PTPRE: variants seen among roughly 807,000 people sequenced by gnomAD.
PTPRE encodes receptor-type tyrosine-protein phosphatase epsilon.
A neutral mutation model predicts 102.0 loss-of-function variants in PTPRE; 51 were observed. The observed-to-expected ratio is 0.50, with a 90% CI of 0.40 to 0.63. The LOEUF is 0.63. Among genes scored for constraint, PTPRE ranks in the 30% least tolerant of loss-of-function variants. PTPRE has a pLI of 0.00. For synonymous variants in PTPRE, 345 were observed against 348.2 expected, an observed-to-expected ratio of 0.99 and a Z score of 0.10; for missense variants, 752 against 915.1, an observed-to-expected ratio of 0.82 and a Z score of 2.30.
intron 1 of PTPRE, among the ~76,000 whole-genome samples, chr10:127,972,962 G>C (rs572298642): frequency 6.6e-6 from 1 of 152,338 alleles, no homozygotes; most frequent in East Asian, 1.9e-4. Flanking sequence ...ATGATTCCTT[G>C]AGTTGTAAAG....
At chr10:127,945,088 T>C (rs754163095) in intron 1 of PTPRE, among the ~76,000 whole-genome samples, 6 of 152,152 alleles carry the variant, frequency 3.9e-5, no homozygotes, top group Non-Finnish European at 5.9e-5. Context: ...ATCTCCTTCA[T>C]TGGACCTCAG....
intron 1 of PTPRE, among the ~76,000 whole-genome samples, chr10:127,920,134 C>T (rs2135174676): frequency 6.6e-6 from 1 of 152,254 alleles, no homozygotes; most frequent in South Asian, 2.1e-4. Flanking sequence ...AGTTACTCAA[C>T]TGTTTGAATG....
chr10:128,005,658 A>T (rs555998279), intron 2 of PTPRE, among the ~76,000 whole-genome samples: 1 of 152,360 alleles, frequency 6.6e-6, no homozygotes, highest in Admixed American at 6.5e-5. Flanking sequence ...CAGGTGACAG[A>T]TGGGGGATGC....
At chr10:128,009,592 G>A (rs766060985) in intron 2 of PTPRE, among the ~76,000 whole-genome samples, 9 of 152,144 alleles carry the variant, frequency 5.9e-5, no homozygotes, top group Non-Finnish European at 8.8e-5. Flanking sequence ...ACTCTGAGCC[G>A]GAAAGAGCTG....
intron 7 of PTPRE, among the ~76,000 whole-genome samples, chr10:128,056,687 G>A (rs1189846163): frequency 6.6e-6 from 1 of 152,190 alleles, no homozygotes; most frequent in Non-Finnish European, 1.5e-5. Context: ...ATTTGTAGGT[G>A]GGCAGCAGCT....
intron 1 of PTPRE, among the ~76,000 whole-genome samples, chr10:127,947,822 A>G (rs568005443): frequency 6.6e-6 from 1 of 152,328 alleles, no homozygotes; most frequent in Non-Finnish European, 1.5e-5. Context: ...GGACCTGTGT[A>G]ATGGGCAAAG....
intron 7 of PTPRE, among the ~76,000 whole-genome samples, chr10:128,057,046 T>C (rs1159782041): frequency 6.6e-6 from 1 of 151,762 alleles, no homozygotes; most frequent in Non-Finnish European, 1.5e-5. Flanking sequence ...TGAAACCCCG[T>C]CTCTACTAAA....
chr10:127,979,883 T>C (rs1175229280), intron 1 of PTPRE, among the ~76,000 whole-genome samples: 5 of 152,224 alleles, frequency 3.3e-5, no homozygotes, highest in Non-Finnish European at 7.3e-5. Context: ...GGTTTTATTT[T>C]ACATTAAAAT....
intron 1 of PTPRE, among the ~76,000 whole-genome samples, chr10:127,972,878 ATGTCTCCACATCACACAGAGGCCTGGGAC>A (rs1161977002): frequency 6.6e-6 from 1 of 152,298 alleles, no homozygotes; most frequent in East Asian, 1.9e-4. Flanking sequence ...CCGGCCTTTA[ATGTCTCCACATCACACAGAGGCCTGGGAC>A]TGTCCAGCTG....
rs570850384 is a variant in PTPRE, at chr10:127,961,104, C to T, written c.-30-21170C>T. The stretch of plus-strand genomic sequence containing the variant: ...TGTGCATTCAGACGATGCCAAGGAA[C>T]GGGCTTCTCTGGGCAGAGCCGGGGC... On this transcript the variant is annotated intron_variant, in intron 1 of 20. Transcript: ENST00000254667. 2.6e-5 allele frequency among the ~76,000 whole-genome samples: 4 copies of T among 152,068 alleles called. No individual in the cohort carries two copies. In the East Asian group the frequency reaches 5.8e-4, roughly 22 times the overall value.
At chr10:127,968,009 G>GAT (rs1554903010) in intron 1 of PTPRE, among the ~76,000 whole-genome samples, 3 of 143,134 alleles carry the variant, frequency 2.1e-5, no homozygotes, top group Non-Finnish European at 4.6e-5. Flanking sequence ...TTGCTCTATA[G>GAT]GTGTGTGTGT....
intron 2 of PTPRE, among the ~76,000 whole-genome samples, chr10:128,018,190 G>A (rs1367039840): frequency 2.0e-5 from 3 of 151,860 alleles, no homozygotes; most frequent in Non-Finnish European, 2.9e-5. Flanking sequence ...GCTTTGGGGC[G>A]GGGGGCATGA....
At chr10:127,980,595 G>C (rs556130998) in intron 1 of PTPRE, among the ~76,000 whole-genome samples, 1 of 152,188 alleles carries the variant, frequency 6.6e-6, no homozygotes, top group Admixed American at 6.5e-5. Context: ...CTGGGGAGAG[G>C]TATTAAGTCT....
chr10:128,004,499 A>G (rs1854315746), intron 2 of PTPRE, among the ~76,000 whole-genome samples: 1 of 152,094 alleles, frequency 6.6e-6, no homozygotes, highest in Non-Finnish European at 1.5e-5. Context: ...TTCCATAACC[A>G]TCCAGTATGG....
chr10:128,032,600 T>C (rs60153536), intron 2 of PTPRE, among the ~76,000 whole-genome samples: 127 of 152,300 alleles, frequency 8.3e-4, no homozygotes, highest in African/African-American at 2.9e-3. Flanking sequence ...AAGAGTGGGT[T>C]AGAACCAACT....
chr10:128,030,856 C>T (rs1350391269), intron 2 of PTPRE, among the ~76,000 whole-genome samples: 1 of 152,164 alleles, frequency 6.6e-6, no homozygotes, highest in Non-Finnish European at 1.5e-5. Flanking sequence ...CGGCTGACTC[C>T]CTTTCTCCCC....
At chr10:127,954,405 A>G (rs1217309306) in intron 1 of PTPRE, among the ~76,000 whole-genome samples, 1 of 152,052 alleles carries the variant, frequency 6.6e-6, no homozygotes, top group Non-Finnish European at 1.5e-5. Flanking sequence ...TTTTTTCCTT[A>G]CTGGAATAGA....
intron 6 of PTPRE, among the ~76,000 whole-genome samples, chr10:128,052,738 A>G (rs1204602380): frequency 1.3e-5 from 2 of 152,146 alleles, no homozygotes; most frequent in Non-Finnish European, 2.9e-5. Context: ...AGTGCCTAGG[A>G]CTAACACACT....
In PTPRE at chr10:128,008,540, G is replaced by C. The variant is rs900685776; in HGVS notation, c.-8+26244G>C. On this transcript the variant is annotated intron_variant, in intron 2 of 20. Transcript: ENST00000254667. This position sits in a 1 kb window ranked among gnomAD's most constrained non-coding sequence, Gnocchi z 4.0. ...TAGTAGGTCAGGGGACTCTGGAGTT[G>C]GGGGTGGTATTTCCTGGGAGACAGC... Among the ~76,000 whole-genome samples, 12 of 152,140 alleles carry C rather than the reference G, an allele frequency of 7.9e-5. No individual in the cohort carries two copies. Among genetic ancestry groups the C allele is most frequent in the African/African-American group, 2.9e-4 (12 of 41,426 alleles).
Sources: allele counts gnomAD v4.1 joint callset (sites outside exome capture counted in the v4.1 genomes callset), GRCh38; gene constraint gnomAD v4.1.1; non-coding constraint Gnocchi (gnomAD v3.1); transcripts MANE v1.5; gene names NCBI Gene and HGNC (gene_info 2026-07-23, HGNC 2026-07-21).